LPP: variants seen among roughly 807,000 people sequenced by gnomAD.
LPP encodes the protein LIM domain containing preferred translocation partner in lipoma, also known as lipoma-preferred partner.
LPP carries 38 observed loss-of-function variants against 60.4 expected under a neutral mutation model. The ratio of observed to expected loss-of-function variants is 0.63; its 90% CI spans 0.49 to 0.83. LPP has a LOEUF of 0.83. LPP is among the 40% of genes least tolerant of loss of function. The pLI, the probability that LPP is intolerant of heterozygous loss-of-function variation, is 0.00. For synonymous variants in LPP, 328 were observed against 290.8 expected, an observed-to-expected ratio of 1.13 and a Z score of -1.30; for missense variants, 902 against 783.6, an observed-to-expected ratio of 1.15 and a Z score of -1.80.
chr3:188,197,404 A>G (rs1560102372), intron 1 of LPP, among the ~76,000 whole-genome samples: 1 of 151,982 alleles, frequency 6.6e-6, no homozygotes, highest in African/African-American at 2.4e-5. Context: ...GGGTTATATA[A>G]CTCGGCAGAG....
chr3:188,348,346 C>T (rs1047629561), intron 3 of LPP, among the ~76,000 whole-genome samples: 7 of 151,944 alleles, frequency 4.6e-5, no homozygotes, highest in Non-Finnish European at 1.0e-4. Context: ...CAAGGTTTCA[C>T]CATGTTGGCC....
chr3:188,167,998 T>C (rs1390607538), intron 1 of LPP, among the ~76,000 whole-genome samples: 8 of 152,382 alleles, frequency 5.2e-5, no homozygotes, highest in African/African-American at 1.9e-4. Context: ...TTTGTGTTTC[T>C]CTTTATATGG....
intron 5 of LPP, among the ~76,000 whole-genome samples, chr3:188,490,039 T>C (rs1400281104): frequency 1.3e-5 from 2 of 152,230 alleles, no homozygotes; most frequent in Non-Finnish European, 2.9e-5. Flanking sequence ...TGGTGATTAC[T>C]TCAAATGTTA....
At chr3:188,598,737 AT>A (rs1840474595) in intron 6 of LPP, among the ~76,000 whole-genome samples, 1 of 152,068 alleles carries the variant, frequency 6.6e-6, no homozygotes, top group African/African-American at 2.4e-5. Context: ...CCATCCTCTG[AT>A]TTTTCCTTTA....
intron 2 of LPP, among the ~76,000 whole-genome samples, chr3:188,316,573 C>T (rs1755146486): frequency 6.6e-6 from 1 of 152,176 alleles, no homozygotes; most frequent in South Asian, 2.1e-4. Context: ...CTAAATTTTG[C>T]ACAGAAGCCC....
At chr3:188,826,743 G>A (rs928312417) in intron 9 of LPP, among the ~76,000 whole-genome samples, 3 of 151,962 alleles carry the variant, frequency 2.0e-5, no homozygotes, top group African/African-American at 7.2e-5. Context: ...TGCCCTAATT[G>A]TCCTGGCTGA....
Position 188,284,638 on chromosome 3 carries a change from C to A in LPP, c.-66-57025C>A, listed in dbSNP as rs527517523. 3.9e-5 allele frequency among the ~76,000 whole-genome samples: 6 copies of A among 152,194 alleles called. No individual in the cohort carries two copies. The South Asian group carries it at 8.3e-4, about 21-fold the overall frequency. ...GTATGTGTGTATGTGTACCCACATA[C>A]GTGCATGTGTGCATGAGTGTGTATT... On this transcript the variant is annotated intron_variant, in intron 2 of 11. Coordinates refer to ENST00000617246, the MANE Select transcript of LPP (RefSeq NM_001375462.1).
intron 9 of LPP, among the ~76,000 whole-genome samples, chr3:188,859,482 T>C (rs1400659640): frequency 6.6e-6 from 1 of 152,154 alleles, no homozygotes; most frequent in Non-Finnish European, 1.5e-5. Context: ...CTCGAATCAG[T>C]TGTTAATAGT....
rs145723070 is a variant in LPP, at chr3:188,172,039, T to C, written c.-190+17787T>C. Among the ~76,000 whole-genome samples, 375 of 152,322 alleles carry C rather than the reference T, an allele frequency of 2.5e-3. 4 individuals carry two copies. Among genetic ancestry groups the C allele is most frequent in the African/African-American group, 7.3e-3 (304 of 41,576 alleles). ...GACAAGGCCAAGGATGTCATTCCCA[T>C]GTGGAGAGGCCATTGGTAACCTCGG... On this transcript the variant is annotated intron_variant, in intron 1 of 11. Transcript: ENST00000617246.
chr3:188,531,311 G>T (rs1822117793), intron 6 of LPP, among the ~76,000 whole-genome samples: 1 of 152,050 alleles, frequency 6.6e-6, no homozygotes, highest in Non-Finnish European at 1.5e-5. Context: ...TAGGTGATAG[G>T]GGTGCTGGTA....
chr3:188,346,568 G>A (rs1453429182), intron 3 of LPP, among the ~76,000 whole-genome samples: 1 of 151,992 alleles, frequency 6.6e-6, no homozygotes, highest in Non-Finnish European at 1.5e-5. Context: ...CTGGCCTAAA[G>A]TAGTAGTTCT....
chr3:188,561,717 T>C (rs914564292), intron 6 of LPP, among the ~76,000 whole-genome samples: 2 of 152,066 alleles, frequency 1.3e-5, no homozygotes, highest in Non-Finnish European at 2.9e-5. Flanking sequence ...ATTAAATTAC[T>C]CTGCTTCATT....
At position 188,843,554 on chromosome 3, in the gene LPP, G is replaced by A. The variant is rs916486036; in HGVS notation, c.1411-22646G>A. 7.0e-4 allele frequency among the ~76,000 whole-genome samples: 106 copies of A among 151,714 alleles called. 2 individuals are homozygous for A. Among genetic ancestry groups the A allele is most frequent in the African/African-American group, 2.5e-3 (103 of 41,426 alleles). Reference sequence around the variant, plus strand: ...TGTAATCCCAGCACTTCGGGAGGCCGAGGCGGGCGGATCACGAGGTCAGGA... The same window carrying A: ...TGTAATCCCAGCACTTCGGGAGGCCAAGGCGGGCGGATCACGAGGTCAGGA... On this transcript the variant is annotated intron_variant, in intron 9 of 11. Coordinates refer to ENST00000617246, the MANE Select transcript of LPP (RefSeq NM_001375462.1).
intron 2 of LPP, among the ~76,000 whole-genome samples, chr3:188,252,351 C>G (rs1429491332): frequency 8.6e-6 from 1 of 116,154 alleles, no homozygotes. Context: ...TTTCCCCCTT[C>G]TTCCGTTTTT....
At chr3:188,594,523 G>A (rs555457396) in intron 6 of LPP, among the ~76,000 whole-genome samples, 1 of 152,090 alleles carries the variant, frequency 6.6e-6, no homozygotes, top group Non-Finnish European at 1.5e-5. Context: ...AATTCACTGA[G>A]GCCAAAAATG....
chr3:188,651,982 A>G (rs907714639), intron 7 of LPP, among the ~76,000 whole-genome samples: 3 of 152,186 alleles, frequency 2.0e-5, no homozygotes, highest in Non-Finnish European at 4.4e-5. Flanking sequence ...AAGCAGTTAA[A>G]TGACTTTTTC....
chr3:188,222,974 T>G (rs894576848), intron 1 of LPP, among the ~76,000 whole-genome samples: 1 of 152,214 alleles, frequency 6.6e-6, no homozygotes, highest in African/African-American at 2.4e-5. Context: ...CATCTTCTTC[T>G]GCCATTTATG....
rs577699893 is a variant in LPP at position 188,277,260 on chromosome 3, A to G, written c.-67+51733A>G. Among the ~76,000 whole-genome samples the G allele has an allele frequency of 1.9e-4, 29 of 152,218 alleles. No individual in the cohort carries two copies. The South Asian group carries it at 5.8e-3, about 31-fold the overall frequency. ...GGTATTTCTTTATAGCAGGGCAAGA[A>G]TGGTTTAATACAGGGGCCCATCCAG... On this transcript the variant is annotated intron_variant, in intron 2 of 11. Transcript: ENST00000617246.
chr3:188,244,338 C>G (rs1382402067), intron 2 of LPP, among the ~76,000 whole-genome samples: 1 of 152,176 alleles, frequency 6.6e-6, no homozygotes, highest in African/African-American at 2.4e-5. Flanking sequence ...TTTTGCATAG[C>G]TAGGAGTGGT....
Sources: allele counts gnomAD v4.1 joint callset (sites outside exome capture counted in the v4.1 genomes callset), GRCh38; gene constraint gnomAD v4.1.1; transcripts MANE v1.5; gene names NCBI Gene and HGNC (gene_info 2026-07-23, HGNC 2026-07-21).